CCSER2: variants seen among roughly 807,000 people sequenced by gnomAD.
The protein encoded by CCSER2 is coiled-coil serine rich protein 2, also known as serine-rich coiled-coil domain-containing protein 2.
In CCSER2, 46 loss-of-function variants were observed where a neutral mutation model predicts 92.3. The ratio of observed to expected loss-of-function variants is 0.50; its 90% CI spans 0.39 to 0.64. The LOEUF (loss-of-function observed/expected upper bound fraction) is 0.64. CCSER2 is among the 30% of genes least tolerant of loss of function. The pLI is 0.00. For synonymous variants in CCSER2, 433 were observed against 431.4 expected (o/e 1.00, Z -0.04); for missense variants, 1,244 against 1,238.9 (o/e 1.00, Z -0.06).
At chr10:84,391,944 C>T in intron 3 of CCSER2, 3 of 1,363,444 alleles carry the variant, frequency 2.2e-6, no homozygotes, top group Non-Finnish European at 2.1e-6. Context: ...GTGTAAGATC[C>T]TTCATGGATT....
At chr10:84,348,373 G>A (rs1299826095) in intron 1 of CCSER2, among the ~76,000 whole-genome samples, 1 of 152,212 alleles carries the variant, frequency 6.6e-6, no homozygotes, top group African/African-American at 2.4e-5. Context: ...AATCAGGCAG[G>A]GAGGTTGCAG....
intron 3 of CCSER2, chr10:84,390,840 C>T: frequency 1.8e-6 from 1 of 546,274 alleles, no homozygotes; most frequent in South Asian, 2.0e-5. Flanking sequence ...TCTTGGACAT[C>T]TTAATCTTAA....
At chr10:84,507,614 A>T (rs1262965066) in intron 9 of CCSER2, among the ~76,000 whole-genome samples, 1 of 152,182 alleles carries the variant, frequency 6.6e-6, no homozygotes, top group African/African-American at 2.4e-5. Context: ...GCACTTTGAC[A>T]TATTTTTACT....
intron 4 of CCSER2, among the ~76,000 whole-genome samples, chr10:84,418,636 A>G (rs749424454): frequency 2.0e-5 from 3 of 152,198 alleles, no homozygotes; most frequent in Non-Finnish European, 4.4e-5. Flanking sequence ...CCATGGTGCT[A>G]GAAAAATGCA....
intron 6 of CCSER2, among the ~76,000 whole-genome samples, chr10:84,445,005 C>T (rs1844821297): frequency 6.6e-6 from 1 of 152,160 alleles, no homozygotes; most frequent in Non-Finnish European, 1.5e-5. Context: ...ATGTAGAGTG[C>T]ATTTTAAACT....
intron 3 of CCSER2, among the ~76,000 whole-genome samples, chr10:84,403,751 T>TA (rs932535133): frequency 1.3e-5 from 2 of 151,950 alleles, no homozygotes; most frequent in African/African-American, 2.4e-5. Context: ...ATAACCAATA[T>TA]AAAAAATTGT....
chr10:84,416,192 T>C (rs555399720), intron 3 of CCSER2, among the ~76,000 whole-genome samples: 1 of 152,086 alleles, frequency 6.6e-6, no homozygotes, highest in Non-Finnish European at 1.5e-5. Flanking sequence ...AGGTTGGGGG[T>C]TCCTTTGGCT....
Position 84,417,861 on chromosome 10 carries a change from G to T in CCSER2, c.1705G>T (p.Val569Leu). The change falls in exon 4 of 10, where the codon GTG becomes TTG. Residue 569 changes from valine (V) to leucine (L), a missense_variant and splice_region_variant. Transcript: ENST00000372088. ...DLPEDAPLENVECDNMNRFDR... is the reference protein window; with the variant it reads ...DLPEDAPLENLECDNMNRFDR... ...GCCTGAGGATGCACCTCTTGAAAATGGTAAGTTGAGACAATATTGAACCTT... is the reference window on the plus strand; with the variant it reads ...GCCTGAGGATGCACCTCTTGAAAATTGTAAGTTGAGACAATATTGAACCTT... 6.7e-7 allele frequency: 1 copy of T among 1,495,260 alleles called. No homozygotes were observed. Among genetic ancestry groups the T allele is most frequent in the Non-Finnish European group, 9.3e-7 (1 of 1,071,874 alleles). 92.6% of individuals were successfully genotyped at this position (1,495,260 alleles called of 1,614,324 possible).
At chr10:84,443,528 T>A (rs1218602584) in intron 6 of CCSER2, among the ~76,000 whole-genome samples, 1 of 152,190 alleles carries the variant, frequency 6.6e-6, no homozygotes, top group African/African-American at 2.4e-5. Context: ...ATAGGAACAC[T>A]TTTACACTGT....
intron 1 of CCSER2, among the ~76,000 whole-genome samples, chr10:84,329,025 C>T (rs914230169): frequency 6.6e-6 from 1 of 151,788 alleles, no homozygotes; most frequent in Non-Finnish European, 1.5e-5. Context: ...CCGGAGGGCG[C>T]CCTCCCTGCG....
chr10:84,339,284 G>C (rs753433348), intron 1 of CCSER2, among the ~76,000 whole-genome samples: 4 of 150,322 alleles, frequency 2.7e-5, no homozygotes, highest in Non-Finnish European at 3.0e-5. Context: ...AATTATAGGC[G>C]TGAGCCACTG....
chr10:84,499,896 T>C (rs1427807205), intron 9 of CCSER2: 3 of 1,613,942 alleles, frequency 1.9e-6, no homozygotes, highest in Non-Finnish European at 2.5e-6. Context: ...TGCTCCCTCC[T>C]TCTCTCCTTG....
At chr10:84,392,091 T>C in intron 3 of CCSER2, 1 of 798,000 alleles carries the variant, frequency 1.3e-6, no homozygotes, top group South Asian at 1.4e-5. Flanking sequence ...TCCTTCAGTC[T>C]TGGAGACTAT....
At chr10:84,475,718 T>C (rs1413924889) in intron 8 of CCSER2, among the ~76,000 whole-genome samples, 1 of 152,234 alleles carries the variant, frequency 6.6e-6, no homozygotes, top group African/African-American at 2.4e-5. Context: ...GTGTTTTCGT[T>C]ACGATAGTGT....
intron 9 of CCSER2, among the ~76,000 whole-genome samples, chr10:84,488,153 T>G (rs1847921375): frequency 6.6e-6 from 1 of 152,234 alleles, no homozygotes. Context: ...AGTGTTTTAT[T>G]GAGGATTTTT....
intron 5 of CCSER2, among the ~76,000 whole-genome samples, chr10:84,437,169 A>G (rs2133500280): frequency 6.6e-6 from 1 of 151,950 alleles, no homozygotes; most frequent in Admixed American, 6.5e-5. Flanking sequence ...AGAGAGAGAG[A>G]GAGAGACAGA....
At position 84,515,743 on chromosome 10, in the gene CCSER2, A is replaced by G. The variant is rs968513147; in HGVS notation, c.*1476A>G. On this transcript the variant is annotated 3_prime_UTR_variant, in exon 10 of 10. Transcript: ENST00000372088. ...ACAATTTTTTAAAGGTAGATTTGGG[A>G]AAAAAATAGAATTGAAGATGGGAAA... The G allele has an allele frequency of 6.6e-6, 1 of 152,162 alleles. No homozygotes were observed. Among genetic ancestry groups the G allele is most frequent in the Non-Finnish European group, 1.5e-5 (1 of 68,034 alleles). 9.4% of individuals were successfully genotyped at this position (152,162 alleles called of 1,614,324 possible). A position where few individuals can be genotyped will look rare whatever the true frequency, so the allele number is the denominator to read the frequency against.
At chr10:84,332,436 A>ATATATTTTT (rs1401635246) in intron 1 of CCSER2, among the ~76,000 whole-genome samples, 13 of 55,208 alleles carry the variant, frequency 2.4e-4, no homozygotes, top group African/African-American at 1.4e-3. Context: ...ATATATATAT[A>ATATATTTTT]TTTTTTTTTT....
intron 8 of CCSER2, among the ~76,000 whole-genome samples, chr10:84,475,888 G>A (rs939888999): frequency 6.6e-6 from 1 of 150,862 alleles, no homozygotes; most frequent in Admixed American, 6.7e-5. Context: ...GATGGAGTGC[G>A]GTGGTGCAAT....
Sources: allele counts gnomAD v4.1 joint callset (sites outside exome capture counted in the v4.1 genomes callset), GRCh38; gene constraint gnomAD v4.1.1; transcripts MANE v1.5; gene names NCBI Gene and HGNC (gene_info 2026-07-23, HGNC 2026-07-21).